Variants in DZIP3 observed in about 807,000 individuals in gnomAD.
DZIP3 encodes DAZ interacting zinc finger protein 3, also known as E3 ubiquitin-protein ligase DZIP3.
Under a neutral mutation model 162.0 loss-of-function variants are expected in DZIP3, and 118 were observed. That is an observed-to-expected ratio of 0.73 (90% CI 0.63 to 0.85). DZIP3 has a LOEUF of 0.85. DZIP3 is among the 40% of genes least tolerant of loss of function. The probability of loss-of-function intolerance (pLI) is 0.00; values close to 1 mark genes in which losing one functional copy is unlikely to be tolerated. For synonymous variants in DZIP3, 438 were observed against 458.6 expected (o/e 0.96, Z 0.57); for missense variants, 1,331 against 1,407.0 (o/e 0.95, Z 0.86).
chr3:108,680,036 A>C (rs944824532), intron 26 of DZIP3, among the ~76,000 whole-genome samples: 19 of 152,148 alleles, frequency 1.2e-4, no homozygotes, highest in African/African-American at 4.6e-4. Context: ...AGAAAGAAGG[A>C]CAAAAACCAT....
Position 108,684,249 on chromosome 3 carries a change from G to A in DZIP3, c.2917G>A (p.Glu973Lys). The part of the protein sequence containing the change: ...QQFLGRPLVK[E>K]SFFRPILTVP... ...GTTCTTAGGAAGACCTCTTGTGAAA[G>A]AATCTTTCTTTAGACCCATACTTAC... The change falls in exon 27 of 33, where the codon GAA (glutamate) becomes AAA (lysine). Residue 973 changes from glutamate to lysine, a missense_variant. Coordinates refer to ENST00000361582, the MANE Select transcript of DZIP3 (RefSeq NM_014648.4). 1 of 1,612,498 alleles carries A rather than the reference G, an allele frequency of 6.2e-7. No individual in the cohort carries two copies. Among genetic ancestry groups the A allele is most frequent in the Non-Finnish European group, 8.5e-7 (1 of 1,179,098 alleles).
chr3:108,677,524 G>A lies in DZIP3; in HGVS notation c.2809G>A (p.Val937Ile). The change falls in exon 26 of 33, where the codon GTC (valine) becomes ATC (isoleucine). Residue 937 changes from valine to isoleucine, a missense_variant. Val to Ile is a conservative substitution (Grantham distance 29). Around this residue, in one of 2 missense-constraint regions of DZIP3, gnomAD observed 1,278 missense variants for 1,317.1 expected, o/e 0.97. Coordinates refer to ENST00000361582, the MANE Select transcript of DZIP3 (RefSeq NM_014648.4). The part of the protein sequence containing the change: ...RTQYNEQINK[V>I]KQGFALSTLP... ...ACAGTACAATGAACAAATAAACAAA[G>A]TCAAGCAAGGATTTGCCTTGAGTAC... The A allele has an allele frequency of 6.2e-7, 1 of 1,612,556 alleles. No individual in the cohort carries two copies. The highest frequency in any genetic ancestry group is 8.5e-7 in the Non-Finnish European group (1 of 1,178,962).
chr3:108,647,881 C>T (rs1210401289), intron 15 of DZIP3, 62 bp from the exon 16 acceptor site: 12 of 1,357,370 alleles, frequency 8.8e-6, no homozygotes, highest in East Asian at 2.5e-5. Context: ...AACATTATAA[C>T]ATTGATAAGA....
intron 22 of DZIP3, among the ~76,000 whole-genome samples, chr3:108,671,197 G>A (rs1486279786): frequency 6.6e-6 from 1 of 151,608 alleles, no homozygotes; most frequent in Non-Finnish European, 1.5e-5. Flanking sequence ...AATTCCTTTT[G>A]TGTTAATATA....
intron 18 of DZIP3, among the ~76,000 whole-genome samples, chr3:108,652,439 A>G (rs1942906572): frequency 6.6e-6 from 1 of 151,870 alleles, no homozygotes. Flanking sequence ...CTGTTACTGT[A>G]TAGTCTTGTA....
intron 13 of DZIP3, among the ~76,000 whole-genome samples, chr3:108,643,942 T>C (rs546274194): frequency 1.3e-5 from 2 of 152,292 alleles, no homozygotes; most frequent in East Asian, 3.9e-4. Flanking sequence ...GTGATTAGTC[T>C]TTGTTATTAC....
At position 108,654,151 on chromosome 3, in the gene DZIP3, T is replaced by G; in HGVS notation, c.2040T>G (p.Tyr680Ter). The G allele has an allele frequency of 6.2e-7, 1 of 1,613,128 alleles. No homozygotes were observed. Among genetic ancestry groups the G allele is most frequent in the Non-Finnish European group, 8.5e-7 (1 of 1,179,482 alleles). Residue 680 changes from tyrosine to a stop codon, truncating the protein, a stop_gained, in exon 19 of 33, where the codon TAT (tyrosine) becomes TAG (stop). Coordinates refer to ENST00000361582, the MANE Select transcript of DZIP3 (RefSeq NM_014648.4). LOFTEE classifies it high-confidence loss of function. ...GATTATGTCACGACTACAGCCCATA[T>G]GTGGTAGAAAAGGAAGAGCAGTTGA... is the stretch of plus-strand genomic sequence containing the variant. ...NKDSKEDQVP[Y>*]VVEKEEQLRK...
chr3:108,674,169 A>C lies in DZIP3; in HGVS notation c.2681A>C (p.His894Pro), dbSNP rs1349420584. 2 of 1,611,932 alleles carry C rather than the reference A, an allele frequency of 1.2e-6. No homozygotes were observed. Among genetic ancestry groups the C allele is most frequent in the South Asian group, 2.2e-5 (2 of 90,994 alleles). Reference protein sequence around the residue: ...ECLNQLARVTHMAASNLESLQ... With the variant: ...ECLNQLARVTPMAASNLESLQ... Reference sequence around the variant, plus strand: ...CTCAATCAGCTTGCCAGGGTGACTCACATGGCAGCAAGGTAACCTTTCCCT... The same window carrying C: ...CTCAATCAGCTTGCCAGGGTGACTCCCATGGCAGCAAGGTAACCTTTCCCT... Residue 894 changes from histidine to proline, a missense_variant, in exon 24 of 33, where the codon CAC becomes CCC. Physicochemically the swap from His to Pro is moderately conservative, Grantham distance 77. Coordinates refer to ENST00000361582, the MANE Select transcript of DZIP3 (RefSeq NM_014648.4).
chr3:108,638,301 C>G (rs1210577525), intron 12 of DZIP3, among the ~76,000 whole-genome samples: 1 of 103,956 alleles, frequency 9.6e-6, no homozygotes, highest in Non-Finnish European at 1.9e-5. Flanking sequence ...TTAAAAAGTC[C>G]TATCAATTTA....
At chr3:108,684,634 T>G (rs1445265671) in intron 27 of DZIP3, among the ~76,000 whole-genome samples, 2 of 152,162 alleles carry the variant, frequency 1.3e-5, no homozygotes, top group African/African-American at 4.8e-5. Flanking sequence ...AAATTGACAT[T>G]TTTAATAGAT....
intron 17 of DZIP3, among the ~76,000 whole-genome samples, chr3:108,650,131 T>C (rs1942797345): frequency 6.6e-6 from 1 of 151,852 alleles, no homozygotes; most frequent in Non-Finnish European, 1.5e-5. Context: ...AATATGGTAA[T>C]GCTCAAGCTC....
intron 19 of DZIP3, among the ~76,000 whole-genome samples, chr3:108,659,815 A>G (rs1277570827): frequency 6.6e-6 from 1 of 152,242 alleles, no homozygotes; most frequent in African/African-American, 2.4e-5. Flanking sequence ...TCAATGTGCA[A>G]AAATCACAAG....
chr3:108,604,931 A>G (rs892739536), intron 1 of DZIP3, among the ~76,000 whole-genome samples: 1 of 152,180 alleles, frequency 6.6e-6, no homozygotes, highest in African/African-American at 2.4e-5. Context: ...TGAGTTTATC[A>G]TGGAACTATT....
chr3:108,670,160 C>T (rs1943874193), intron 22 of DZIP3, among the ~76,000 whole-genome samples: 1 of 151,860 alleles, frequency 6.6e-6, no homozygotes, highest in Non-Finnish European at 1.5e-5. Context: ...CCATTTCATA[C>T]AGCATAAAAT....
At chr3:108,673,755 T>C (rs1944005654) in intron 23 of DZIP3, among the ~76,000 whole-genome samples, 1 of 151,970 alleles carries the variant, frequency 6.6e-6, no homozygotes. Flanking sequence ...GCCCAAGCTA[T>C]ACTCAGTATC....
At chr3:108,680,047 A>G (rs1366541548) in intron 26 of DZIP3, among the ~76,000 whole-genome samples, 1 of 152,172 alleles carries the variant, frequency 6.6e-6, no homozygotes, top group African/African-American at 2.4e-5. Context: ...CAAAAACCAT[A>G]TGATCATTTC....
chr3:108,674,498 A>AT (rs1399640955), intron 24 of DZIP3, among the ~76,000 whole-genome samples: 2 of 151,848 alleles, frequency 1.3e-5, no homozygotes, highest in Non-Finnish European at 1.5e-5. Flanking sequence ...CTGCTGAAAG[A>AT]TTTTTTCCCT....
chr3:108,664,897 T>A (rs1035382136), intron 21 of DZIP3, among the ~76,000 whole-genome samples: 22 of 152,138 alleles, frequency 1.4e-4, no homozygotes, highest in African/African-American at 4.3e-4. Flanking sequence ...TCGTCTGCAC[T>A]GAGGCAGTGT....
At chr3:108,675,914 T>G (rs1428824823) in intron 25 of DZIP3, 41 bp downstream of exon 25, 4 of 1,541,058 alleles carry the variant, frequency 2.6e-6, no homozygotes, top group Non-Finnish European at 3.6e-6. Flanking sequence ...GGCTTAATGT[T>G]ATAGGTGGTG....
Sources: gnomAD v4.1 joint callset for allele counts (sites outside exome capture counted in the v4.1 genomes callset) on GRCh38, gnomAD v4.1.1 for gene constraint, gnomAD v4.1.1 regional missense constraint, MANE v1.5 for transcripts, NCBI Gene and HGNC (gene_info 2026-07-23, HGNC 2026-07-21) for gene names.